Variants in MKNK2 observed in about 807,000 individuals in gnomAD.
MKNK2 encodes MAP kinase-interacting serine/threonine-protein kinase 2.
Under a neutral mutation model 55.0 loss-of-function variants are expected in MKNK2, and 54 were observed. The ratio of observed to expected loss-of-function variants is 0.98; its 90% CI spans 0.79 to 1.23. MKNK2 has a LOEUF of 1.23. MKNK2 is among the 50% of genes most tolerant of loss of function. MKNK2 has a pLI of 0.00. For missense variants in MKNK2, 685 were observed against 632.1 expected, an observed-to-expected ratio of 1.08 and a Z score of -0.90; for synonymous variants, 323 against 256.0, an observed-to-expected ratio of 1.26 and a Z score of -2.50.
Position 2,038,611 on chromosome 19 carries a change from G to A in MKNK2, c.*1002C>T, listed in dbSNP as rs1885170095. On this transcript the variant is annotated 3_prime_UTR_variant, in exon 14 of 14. Transcript: ENST00000250896. ...GATTCGGCCAGACCCCGGGGTCTGGGCTCAGCTCTAAGGACAAGGACGGAG... is the reference window on the plus strand; with the variant it reads ...GATTCGGCCAGACCCCGGGGTCTGGACTCAGCTCTAAGGACAAGGACGGAG... 8 of 985,460 alleles carry A rather than the reference G, an allele frequency of 8.1e-6. No individual in the cohort carries two copies. Among genetic ancestry groups the A allele is most frequent in the Non-Finnish European group, 9.6e-6 (8 of 829,908 alleles). The allele number at this position is 985,460 out of a possible 1,614,324, so 61.0% of individuals were successfully genotyped here.
chr19:2,042,326 C>A, intron 10 of MKNK2, 101 bp downstream of exon 10: 1 of 1,110,850 alleles, frequency 9.0e-7, no homozygotes, highest in South Asian at 1.4e-5. Flanking sequence ...GGCGGAAGCC[C>A]GAGCTCCGCG....
chr19:2,047,152 TAGG>T (rs533966304), intron 2 of MKNK2, among the ~76,000 whole-genome samples: 53 of 152,078 alleles, frequency 3.5e-4, no homozygotes, highest in Non-Finnish European at 6.9e-4. Flanking sequence ...CAGAGTCTCT[TAGG>T]GGGTCCATGG....
At chr19:2,045,931 C>A (rs1040320356) in intron 5 of MKNK2, among the ~76,000 whole-genome samples, 1 of 152,180 alleles carries the variant, frequency 6.6e-6, no homozygotes, top group Non-Finnish European at 1.5e-5. Flanking sequence ...TGTCATGTAC[C>A]CTCAGGGACA....
rs1555691185 is a variant in MKNK2, at chr19:2,037,847, A to AC, written c.*1765_*1766insG. 30,282 of 1,308,654 alleles carry AC rather than the reference A, an allele frequency of 0.023. 1 individual carries two copies. Among genetic ancestry groups the AC allele is most frequent in the East Asian group, 0.029 (1,073 of 37,398 alleles). The allele number at this position is 1,308,654 out of a possible 1,614,324, so 81.1% of individuals were successfully genotyped here. On this transcript the variant is annotated 3_prime_UTR_variant, in exon 14 of 14. Transcript: ENST00000250896. ...TGTCCCACCTTCAGAAAAAAAAAAA[A>AC]AAACAAACAAACAAACGCTGCTAGC...
intron 5 of MKNK2, among the ~76,000 whole-genome samples, chr19:2,045,818 A>G (rs1195499063): frequency 6.6e-6 from 1 of 152,198 alleles, no homozygotes; most frequent in Non-Finnish European, 1.5e-5. Context: ...CCAGGGCTAG[A>G]GTGACACAGG....
chr19:2,046,508 C>G, intron 3 of MKNK2, 40 bp from the exon 4 acceptor site: 1 of 1,577,292 alleles, frequency 6.3e-7, no homozygotes, highest in East Asian at 2.3e-5. Context: ...AGGACATGGC[C>G]CTGGCCGGCC....
chr19:2,043,554 C>T lies in MKNK2; in HGVS notation c.368G>A (p.Arg123Gln), dbSNP rs750788004. ...CTCCACCTCCCTGAAAACCCTGCTC[C>T]GAATGTGGCCTGGCTGCTTCTCAAT... Reference protein sequence around the residue: ...KIIEKQPGHIRSRVFREVEML... With the variant: ...KIIEKQPGHIQSRVFREVEML... The change falls in exon 6 of 14, where the codon CGG becomes CAG. Residue 123 changes from arginine to glutamine, a missense_variant. Coordinates refer to ENST00000250896, the MANE Select transcript of MKNK2 (RefSeq NM_199054.3). 16 of 1,614,074 alleles carry T rather than the reference C, an allele frequency of 9.9e-6. No homozygotes were observed. Among genetic ancestry groups the T allele is most frequent in the Admixed American group, 3.3e-5 (2 of 60,026 alleles).
chr19:2,045,524 T>A (rs1270349213), intron 5 of MKNK2, among the ~76,000 whole-genome samples: 2 of 151,832 alleles, frequency 1.3e-5, no homozygotes, highest in Non-Finnish European at 2.9e-5. Flanking sequence ...CCCCTCTTCT[T>A]CCTCCTTCTC....
Position 2,043,209 on chromosome 19 carries a change from G to T in MKNK2, c.420-12C>A. ...GCTCTAGGACGTTCCTGGGGTGGGG[G>T]TGGGGGCAGGAGAGGAGCTGAGGCT... is the stretch of plus-strand genomic sequence containing the variant. On this transcript the variant is annotated splice_polypyrimidine_tract_variant and intron_variant, in intron 6 of 13. Transcript: ENST00000250896. 1.2e-6 allele frequency: 2 copies of T among 1,603,146 alleles called. No homozygotes were observed. Among genetic ancestry groups the T allele is most frequent in the Non-Finnish European group, 1.7e-6 (2 of 1,170,598 alleles).
At position 2,038,145 on chromosome 19, in the gene MKNK2, G is replaced by A. The variant is rs2016793416; in HGVS notation, c.*1468C>T. 3.8e-6 allele frequency: 4 copies of A among 1,053,088 alleles called. No homozygotes were observed. The highest frequency in any genetic ancestry group is 4.4e-5 in the South Asian group (1 of 22,848). 65.2% of individuals were successfully genotyped at this position (1,053,088 alleles called of 1,614,324 possible). On this transcript the variant is annotated 3_prime_UTR_variant, in exon 14 of 14. Transcript: ENST00000250896. Reference sequence around the variant, plus strand: ...GTGACCATCATACGAGATTCAGGAGGGGCAGCAGGGCCAGGCAGACGGTCT... The same window carrying A: ...GTGACCATCATACGAGATTCAGGAGAGGCAGCAGGGCCAGGCAGACGGTCT...
rs1471943214 is a variant in MKNK2 at position 2,038,669 on chromosome 19, G to A, written c.*944C>T. Reference sequence around the variant, plus strand: ...AGCTTCCAGGTCAGGCCCGAGGGGCGGCGCGAGGCAGGACGTGGCTACGGT... The same window carrying A: ...AGCTTCCAGGTCAGGCCCGAGGGGCAGCGCGAGGCAGGACGTGGCTACGGT... On this transcript the variant is annotated 3_prime_UTR_variant, in exon 14 of 14. Transcript: ENST00000250896. 4.1e-6 allele frequency: 4 copies of A among 985,702 alleles called. No homozygotes were observed. Among genetic ancestry groups the A allele is most frequent in the African/African-American group, 1.7e-5 (1 of 57,328 alleles). The allele number at this position is 985,702 out of a possible 1,614,324, so 61.1% of individuals were successfully genotyped here.
chr19:2,047,142 CAG>C (rs983910608), intron 2 of MKNK2, among the ~76,000 whole-genome samples: 2 of 152,178 alleles, frequency 1.3e-5, no homozygotes, highest in African/African-American at 4.8e-5. Context: ...TCAGGGGACG[CAG>C]AGTCTCTTAG....
At chr19:2,043,466 G>C (rs1299389388) in intron 6 of MKNK2, 37 bp downstream of exon 6, 3 of 1,583,592 alleles carry the variant, frequency 1.9e-6, no homozygotes, top group Non-Finnish European at 2.6e-6. Flanking sequence ...CTGAAAGACA[G>C]CTCAGGCCAG....
chr19:2,050,957 G>T lies in MKNK2; in HGVS notation c.-96-10C>A. On this transcript the variant is annotated splice_polypyrimidine_tract_variant and intron_variant, in intron 1 of 13. Coordinates refer to ENST00000250896, the MANE Select transcript of MKNK2 (RefSeq NM_199054.3). ...GGCCGAGGAGGGGACCCTGCGGGCG[G>T]GAGCAGACAAAGGGAGGGCGGTGAG... The T allele has an allele frequency of 2.8e-6, 2 of 726,662 alleles. No individual in the cohort carries two copies. The highest frequency in any genetic ancestry group is 4.2e-5 in the South Asian group (2 of 47,604). The allele number at this position is 726,662 out of a possible 1,614,324, so 45.0% of individuals were successfully genotyped here.
At chr19:2,042,169 G>GGAACGCGCCCCCGC in intron 10 of MKNK2, 135 bp from the exon 11 acceptor site, 1 of 886,720 alleles carries the variant, frequency 1.1e-6, no homozygotes, top group Non-Finnish European at 1.6e-6. Context: ...GCGGCTGCCG[G>GGAACGCGCCCCCGC]GAACGCGCCC....
Position 2,039,354 on chromosome 19 carries a change from C to T in MKNK2, c.*259G>A. The T allele has an allele frequency of 7.3e-7, 1 of 1,364,170 alleles. No homozygotes were observed. The highest frequency in any genetic ancestry group is 9.4e-7 in the Non-Finnish European group (1 of 1,058,354). The allele number at this position is 1,364,170 out of a possible 1,614,324, so 84.5% of individuals were successfully genotyped here. A position where few individuals can be genotyped will look rare whatever the true frequency, so the allele number is the denominator to read the frequency against. ...CCGGGGAGGGGACAAGCCCACCCAC[C>T]TACCCTCTGCTCACCTTCCCGGGTG... On this transcript the variant is annotated 3_prime_UTR_variant, in exon 14 of 14. Coordinates refer to ENST00000250896, the MANE Select transcript of MKNK2 (RefSeq NM_199054.3).
chr19:2,042,717 A>G, intron 8 of MKNK2, 49 bp downstream of exon 8: 1 of 1,547,652 alleles, frequency 6.5e-7, no homozygotes, highest in Non-Finnish European at 8.8e-7. Flanking sequence ...GTCTTCCAGG[A>G]GTCCTTGGCA....
intron 9 of MKNK2, 30 bp from the exon 10 acceptor site, chr19:2,042,552 G>T (rs1304180257): frequency 3.2e-6 from 5 of 1,580,766 alleles, no homozygotes; most frequent in Admixed American, 3.8e-5. Flanking sequence ...CCGTGAGCCT[G>T]GGGTCCCACG....
chr19:2,046,796 C>A, intron 2 of MKNK2, 105 bp from the exon 3 acceptor site: 1 of 884,290 alleles, frequency 1.1e-6, no homozygotes, highest in Non-Finnish European at 1.7e-6. Flanking sequence ...ACAAGCCCTG[C>A]GCTGAGCATT....
Sources: allele counts gnomAD v4.1 joint callset (sites outside exome capture counted in the v4.1 genomes callset), GRCh38; gene constraint gnomAD v4.1.1; transcripts MANE v1.5; gene names NCBI Gene and HGNC (gene_info 2026-07-23, HGNC 2026-07-21).